IL2RB: variants seen among roughly 807,000 people sequenced by gnomAD.
IL2RB encodes interleukin 2 receptor subunit beta.
IL2RB carries 17 observed loss-of-function variants against 44.2 expected under a neutral mutation model. The observed-to-expected ratio is 0.38, with a 90% CI of 0.26 to 0.58. IL2RB has a LOEUF of 0.58. IL2RB is among the 20% of genes least tolerant of loss of function. The probability of loss-of-function intolerance (pLI) is 0.63; values close to 1 mark genes in which losing one functional copy is unlikely to be tolerated. For synonymous variants in IL2RB, 286 were observed against 297.9 expected, an observed-to-expected ratio of 0.96 and a Z score of 0.41; for missense variants, 624 against 685.5, an observed-to-expected ratio of 0.91 and a Z score of 1.00.
In IL2RB at chr22:37,141,540, C is replaced by T. The variant is rs570292801; in HGVS notation, c.282+894G>A. Among the ~76,000 whole-genome samples, 1 of 152,112 alleles carries T rather than the reference C, an allele frequency of 6.6e-6. No individual in the cohort carries two copies. The highest frequency in any genetic ancestry group is 2.4e-5 in the African/African-American group (1 of 41,506). On this transcript the variant is annotated intron_variant, in intron 4 of 9. Coordinates refer to ENST00000216223, the MANE Select transcript of IL2RB (RefSeq NM_000878.5). This position sits in a 1 kb window ranked among gnomAD's most constrained non-coding sequence, Gnocchi z 4.4. Reference sequence around the variant, plus strand: ...CCTTCCGAGGTAGCCAGGAGCTCTCCTGGGGCAGCTGCAGCTGCCCAAGCC... The same window carrying T: ...CCTTCCGAGGTAGCCAGGAGCTCTCTTGGGGCAGCTGCAGCTGCCCAAGCC...
intron 1 of IL2RB, among the ~76,000 whole-genome samples, chr22:37,149,409 A>G (rs920120622): frequency 3.3e-5 from 5 of 152,144 alleles, no homozygotes; most frequent in African/African-American, 4.8e-5. Context: ...CTCCCCCGGT[A>G]TATGGGCCCC....
At chr22:37,147,615 C>T (rs1304721463) in intron 1 of IL2RB, among the ~76,000 whole-genome samples, 1 of 152,222 alleles carries the variant, frequency 6.6e-6, no homozygotes, top group East Asian at 1.9e-4. Flanking sequence ...AGAGGTGGAG[C>T]TAGGGCTCCA....
In IL2RB at chr22:37,135,420, C is replaced by T. The variant is rs752286646; in HGVS notation, c.726G>A (p.Pro242=). ...KPAALGKDTI[P]WLGHLLVGLS... Reference sequence around the variant, plus strand: ...GGCCCACGAGGAGGTGGCCGAGCCACGGAATGGTGTCCTTCCCAAGGGCTG... The same window carrying T: ...GGCCCACGAGGAGGTGGCCGAGCCATGGAATGGTGTCCTTCCCAAGGGCTG... The change falls in exon 8 of 10, where the codon CCG becomes CCA. Residue 242 remains proline (P), a synonymous_variant. Coordinates refer to ENST00000216223, the MANE Select transcript of IL2RB (RefSeq NM_000878.5). 9.3e-6 allele frequency: 15 copies of T among 1,613,344 alleles called. No homozygotes were observed. The highest frequency in any genetic ancestry group is 3.3e-5 in the Admixed American group (2 of 59,972).
intron 1 of IL2RB, chr22:37,166,743 G>A (rs1469386744): frequency 1.3e-5 from 2 of 152,184 alleles, no homozygotes; most frequent in Non-Finnish European, 2.9e-5. Flanking sequence ...CGAGACTTGT[G>A]CTGCAGGAGG....
At position 37,128,492 on chromosome 22, in the gene IL2RB, G is replaced by A; in HGVS notation, c.1260C>T (p.Thr420=). 1 of 1,602,418 alleles carries A rather than the reference G, an allele frequency of 6.2e-7. No individual in the cohort carries two copies. The highest frequency in any genetic ancestry group is 8.5e-7 in the Non-Finnish European group (1 of 1,171,812). Residue 420 remains threonine (T), a synonymous_variant, in exon 10 of 10, where the codon ACC becomes ACT. Transcript: ENST00000216223. The surrounding 1 kb of genome is among the most constrained non-coding windows in gnomAD (Gnocchi z 4.5). ...PLSGEDDAYC[T]FPSRDDLLLF... ...GCAGCAGGTCATCCCTGGAGGGGAAGGTGCAGTAGGCGTCGTCCTCCCCTG... is the reference window on the plus strand; with the variant it reads ...GCAGCAGGTCATCCCTGGAGGGGAAAGTGCAGTAGGCGTCGTCCTCCCCTG...
intron 9 of IL2RB, among the ~76,000 whole-genome samples, chr22:37,131,430 C>G (rs1156886220): frequency 1.3e-5 from 2 of 152,198 alleles, no homozygotes; most frequent in East Asian, 3.8e-4. Context: ...CCATGTCCCC[C>G]CTTCATTCTT....
In IL2RB at chr22:37,134,765, G is replaced by A. The variant is rs368505207; in HGVS notation, c.818+563C>T. Among the ~76,000 whole-genome samples the A allele has an allele frequency of 4.6e-5, 7 of 152,292 alleles. No individual in the cohort carries two copies. In the East Asian group the frequency reaches 1.3e-3, roughly 29 times the overall value. ...TCCTCTGCCATCCTGATCCCGGTGTGTCATTACACACCTGCATGATTGTCT... is the reference window on the plus strand; with the variant it reads ...TCCTCTGCCATCCTGATCCCGGTGTATCATTACACACCTGCATGATTGTCT... On this transcript the variant is annotated intron_variant, in intron 8 of 9. Coordinates refer to ENST00000216223, the MANE Select transcript of IL2RB (RefSeq NM_000878.5).
At chr22:37,164,752 C>T (rs1923011221) in intron 1 of IL2RB, among the ~76,000 whole-genome samples, 1 of 152,106 alleles carries the variant, frequency 6.6e-6, no homozygotes, top group Non-Finnish European at 1.5e-5. Flanking sequence ...GAGCAGAGGG[C>T]CACCAGGAAT....
At position 37,134,947 on chromosome 22, in the gene IL2RB, C is replaced by T. The variant is rs960238182; in HGVS notation, c.818+381G>A. On this transcript the variant is annotated intron_variant, in intron 8 of 9. Transcript: ENST00000216223. ...CAGACCTAGATGGACCGGCGGGGAC[C>T]CAGACACAGAGACAGCTGACATGTG... is the stretch of plus-strand genomic sequence containing the variant. Among the ~76,000 whole-genome samples the T allele has an allele frequency of 2.0e-5, 3 of 152,148 alleles. No individual in the cohort carries two copies. In the East Asian group the frequency reaches 5.8e-4, roughly 29 times the overall value.
chr22:37,161,330 A>T (rs974065087), intron 1 of IL2RB, among the ~76,000 whole-genome samples: 1 of 152,182 alleles, frequency 6.6e-6, no homozygotes, highest in Admixed American at 6.5e-5. Context: ...GTTTCTTCTC[A>T]GGTGCTGTCC....
chr22:37,172,341 G>C (rs1242481412), intron 1 of IL2RB, among the ~76,000 whole-genome samples: 1 of 152,110 alleles, frequency 6.6e-6, no homozygotes, highest in African/African-American at 2.4e-5. Context: ...TGGGATCCCT[G>C]GCTGCACCTC....
intron 4 of IL2RB, among the ~76,000 whole-genome samples, chr22:37,140,658 C>T (rs947638105): frequency 7.2e-6 from 1 of 138,966 alleles, no homozygotes; most frequent in African/African-American, 3.0e-5. Context: ...CACTCTCCTG[C>T]CCCTCAAGAA....
intron 1 of IL2RB, among the ~76,000 whole-genome samples, chr22:37,161,217 A>G (rs1311464270): frequency 6.6e-6 from 1 of 152,172 alleles, no homozygotes; most frequent in Non-Finnish European, 1.5e-5. Context: ...AACATGCAAC[A>G]AAACTCCACC....
Position 37,165,456 on chromosome 22 carries a change from G to A in IL2RB, c.-34+9502C>T, listed in dbSNP as rs1923035651. ...CCAGTCAGCATGGAGCGTTTGTCAA[G>A]CGTCTGTATTATCCTGGCTCAGGGC... On this transcript the variant is annotated intron_variant, in intron 1 of 5. Coordinates refer to the IL2RB transcript ENST00000429622. 1.3e-5 allele frequency among the ~76,000 whole-genome samples: 2 copies of A among 152,188 alleles called. 1 individual carries two copies. The highest frequency in any genetic ancestry group is 4.1e-4 in the South Asian group (2 of 4,834).
chr22:37,151,136 T>C (rs983953161), upstream of IL2RB, among the ~76,000 whole-genome samples: 2 of 152,210 alleles, frequency 1.3e-5, no homozygotes, highest in Non-Finnish European at 2.9e-5. Context: ...TTTTAGTGTT[T>C]TGAGGACTCT....
At chr22:37,133,026 T>C (rs1174409556) in intron 8 of IL2RB, among the ~76,000 whole-genome samples, 1 of 152,216 alleles carries the variant, frequency 6.6e-6, no homozygotes, top group East Asian at 1.9e-4. Flanking sequence ...CTGGAAGCTG[T>C]GTACATCACC....
At chr22:37,160,297 G>A (rs1922813783) in intron 1 of IL2RB, among the ~76,000 whole-genome samples, 2 of 152,208 alleles carry the variant, frequency 1.3e-5, no homozygotes, top group Admixed American at 6.5e-5. Flanking sequence ...GAGATTCAGC[G>A]GGGCCTCGCT....
chr22:37,140,963 G>A (rs1158340703), intron 4 of IL2RB, among the ~76,000 whole-genome samples: 9 of 152,164 alleles, frequency 5.9e-5, no homozygotes, highest in East Asian at 1.9e-4. Context: ...GGGGCTGTAG[G>A]TGAAGGCCGC....
intron 1 of IL2RB, among the ~76,000 whole-genome samples, chr22:37,161,462 C>T (rs1020859001): frequency 2.0e-5 from 3 of 152,184 alleles, no homozygotes; most frequent in African/African-American, 7.2e-5. Context: ...TTCCAGCCTC[C>T]CTTGCAGCTG....
Sources: gnomAD v4.1 joint callset for allele counts (sites outside exome capture counted in the v4.1 genomes callset) on GRCh38, gnomAD v4.1.1 for gene constraint, Gnocchi (gnomAD v3.1) non-coding constraint, MANE v1.5 for transcripts, NCBI Gene and HGNC (gene_info 2026-07-23, HGNC 2026-07-21) for gene names.